The following RAPGEF4 variants were observed in gnomAD, a reference collection of about 807,000 sequenced individuals.
The protein encoded by RAPGEF4 is RAP guanine-nucleotide-exchange factor (GEF) 4.
In RAPGEF4, 66 loss-of-function variants were observed where a neutral mutation model predicts 147.9. The ratio of observed to expected loss-of-function variants is 0.45; its 90% CI spans 0.37 to 0.55. The LOEUF is 0.55. RAPGEF4 is among the 20% of genes least tolerant of loss of function. The probability of loss-of-function intolerance (pLI) is 0.00; values close to 1 mark genes in which losing one functional copy is unlikely to be tolerated. For missense variants in RAPGEF4, 1,071 were observed against 1,257.3 expected (o/e 0.85, Z 2.24); for synonymous variants, 419 against 442.7 (o/e 0.95, Z 0.67).
At chr2:172,929,636 C>T (rs1202142044) in intron 6 of RAPGEF4, among the ~76,000 whole-genome samples, 1 of 152,134 alleles carries the variant, frequency 6.6e-6, no homozygotes, top group Non-Finnish European at 1.5e-5. Context: ...CTCAGAAACA[C>T]CCCTGGAATA....
intron 4 of RAPGEF4, among the ~76,000 whole-genome samples, chr2:172,877,345 C>T (rs904806928): frequency 2.0e-5 from 3 of 152,000 alleles, no homozygotes; most frequent in Non-Finnish European, 4.4e-5. Flanking sequence ...GGGAGGGGAA[C>T]ATCACACATT....
intron 12 of RAPGEF4, 36 bp downstream of exon 12, chr2:172,985,529 C>G: frequency 6.2e-7 from 1 of 1,600,556 alleles, no homozygotes; most frequent in Admixed American, 1.8e-5. Flanking sequence ...TTGCGCCTGG[C>G]CAGCACCCTT....
chr2:172,753,835 G>C (rs566294121), intron 1 of RAPGEF4, among the ~76,000 whole-genome samples: 3 of 151,904 alleles, frequency 2.0e-5, no homozygotes, highest in African/African-American at 7.2e-5. Flanking sequence ...CGGTTTGTGA[G>C]GGTTGCTGCT....
intron 1 of RAPGEF4, among the ~76,000 whole-genome samples, chr2:172,768,008 C>T (rs1475888279): frequency 1.3e-5 from 2 of 151,910 alleles, no homozygotes; most frequent in African/African-American, 2.4e-5. Flanking sequence ...GACGGGGTTT[C>T]GTCATGTTGG....
rs538258516 is a variant in RAPGEF4, at chr2:173,021,734, T to G, written c.2253+1019T>G. On this transcript the variant is annotated intron_variant, in intron 23 of 30. Coordinates refer to ENST00000397081, the MANE Select transcript of RAPGEF4 (RefSeq NM_007023.4). The stretch of plus-strand genomic sequence containing the variant: ...CTTATAGATATCAAGATTCTCTTCC[T>G]TGGACTTTTTAGAGGTTGTTTCAGG... Among the ~76,000 whole-genome samples the G allele has an allele frequency of 2.6e-5, 4 of 152,352 alleles. No individual in the cohort carries two copies. In the East Asian group the frequency reaches 5.8e-4, roughly 22 times the overall value.
intron 4 of RAPGEF4, among the ~76,000 whole-genome samples, chr2:172,852,375 C>T (rs948692648): frequency 3.9e-5 from 6 of 152,214 alleles, no homozygotes; most frequent in Non-Finnish European, 7.4e-5. Context: ...TGATCCGAAA[C>T]GTAACCCTTC....
chr2:172,956,679 C>T (rs953623331), intron 6 of RAPGEF4, among the ~76,000 whole-genome samples: 1 of 151,994 alleles, frequency 6.6e-6, no homozygotes, highest in African/African-American at 2.4e-5. Context: ...ACCGTGTTAC[C>T]CAGGTTGGTC....
intron 16 of RAPGEF4, among the ~76,000 whole-genome samples, chr2:172,998,036 G>A (rs576352646): frequency 2.1e-4 from 32 of 152,318 alleles, no homozygotes; most frequent in Middle Eastern, 3.4e-3. Context: ...TTGTTGGGCA[G>A]ACACTAAGCT....
intron 6 of RAPGEF4, among the ~76,000 whole-genome samples, chr2:172,960,190 C>T (rs1451832271): frequency 6.6e-6 from 1 of 152,140 alleles, no homozygotes; most frequent in East Asian, 1.9e-4. Flanking sequence ...CTTTCTTCTA[C>T]TTAGTAGAAG....
At chr2:173,011,754 G>C (rs1261952063) in intron 17 of RAPGEF4, among the ~76,000 whole-genome samples, 4 of 151,150 alleles carry the variant, frequency 2.6e-5, no homozygotes, top group Admixed American at 2.0e-4. Flanking sequence ...CTTTGCCTAA[G>C]TACTTGTAAA....
chr2:172,951,425 C>T (rs1688198289), intron 6 of RAPGEF4, among the ~76,000 whole-genome samples: 1 of 152,194 alleles, frequency 6.6e-6, no homozygotes, highest in African/African-American at 2.4e-5. Context: ...TGGGGTAGAA[C>T]AGTGAGCAAA....
At chr2:172,845,967 GT>G (rs2149717635) in intron 4 of RAPGEF4, among the ~76,000 whole-genome samples, 1 of 152,260 alleles carries the variant, frequency 6.6e-6, no homozygotes, top group African/African-American at 2.4e-5. Flanking sequence ...GAGACGGAGG[GT>G]CTTTTCAAAT....
In RAPGEF4 at chr2:173,052,369, T is replaced by G. The variant is rs898041902; in HGVS notation, c.*602T>G. The G allele has an allele frequency of 6.6e-6, 1 of 152,650 alleles. No individual in the cohort carries two copies. The highest frequency in any genetic ancestry group is 2.4e-5 in the African/African-American group (1 of 41,444). The allele number at this position is 152,650 out of a possible 1,614,324, so 9.5% of individuals were successfully genotyped here. A position where few individuals can be genotyped will look rare whatever the true frequency, so the allele number is the denominator to read the frequency against. ...CTGGTCTGTAATTTCTGAATGTATA[T>G]AGAATAATATTTATGTTTACAATGT... On this transcript the variant is annotated 3_prime_UTR_variant, in exon 31 of 31. Transcript: ENST00000397081.
intron 4 of RAPGEF4, among the ~76,000 whole-genome samples, chr2:172,910,254 C>G (rs897041873): frequency 6.6e-6 from 1 of 152,222 alleles, no homozygotes; most frequent in African/African-American, 2.4e-5. Flanking sequence ...TGCCCCAATC[C>G]TCTCCAATAA....
chr2:173,019,165 A>G lies in RAPGEF4; in HGVS notation c.2155+363A>G, dbSNP rs561978532. Among the ~76,000 whole-genome samples, 6 of 152,372 alleles carry G rather than the reference A, an allele frequency of 3.9e-5. No individual in the cohort carries two copies. In the South Asian group the frequency reaches 6.2e-4, roughly 16 times the overall value. On this transcript the variant is annotated intron_variant, in intron 22 of 30. Transcript: ENST00000397081. ...GACAAGCTCAAGGCCATGGGTTTCT[A>G]CAAGTCCAAAGTTGGAAGTGGTCAG...
At chr2:172,932,297 A>G (rs2150095922) in intron 6 of RAPGEF4, among the ~76,000 whole-genome samples, 2 of 152,282 alleles carry the variant, frequency 1.3e-5, no homozygotes. Context: ...CCATTCTCAC[A>G]TATTGTTGAT....
At chr2:173,017,149 A>T (rs779914499) in intron 19 of RAPGEF4, 25 bp from the exon 20 acceptor site, 1 of 1,608,238 alleles carries the variant, frequency 6.2e-7, no homozygotes, top group Non-Finnish European at 8.5e-7. Flanking sequence ...GGTATTAAAT[A>T]ATGTGCTTTC....
intron 4 of RAPGEF4, among the ~76,000 whole-genome samples, chr2:172,887,751 AC>A (rs1697411088): frequency 6.6e-6 from 1 of 151,826 alleles, no homozygotes; most frequent in African/African-American, 2.4e-5. Context: ...TGCTTGCCGA[AC>A]CTTTTCGTGC....
intron 29 of RAPGEF4, 80 bp downstream of exon 29, chr2:173,036,772 C>A: frequency 1.0e-6 from 1 of 989,526 alleles, no homozygotes; most frequent in Non-Finnish European, 1.5e-6. Context: ...GAAATAATTT[C>A]CATATATGCT....
Sources: gnomAD v4.1 joint callset for allele counts (sites outside exome capture counted in the v4.1 genomes callset) on GRCh38, gnomAD v4.1.1 for gene constraint, MANE v1.5 for transcripts, NCBI Gene and HGNC (gene_info 2026-07-23, HGNC 2026-07-21) for gene names.